Variants in MED23 observed in about 807,000 individuals in gnomAD.
MED23 encodes the protein mediator complex subunit 23.
In MED23, 105 loss-of-function variants were observed where a neutral mutation model predicts 163.9. That is an observed-to-expected ratio of 0.64 (90% CI 0.55 to 0.75). MED23 has a LOEUF of 0.75. Ranked by LOEUF, MED23 falls within the 30% of genes least tolerant of loss-of-function variation. MED23 has a pLI of 0.00. For synonymous variants in MED23, 561 were observed against 565.6 expected (o/e 0.99, Z 0.12); for missense variants, 1,054 against 1,649.0 (o/e 0.64, Z 6.25).
intron 7 of MED23, among the ~76,000 whole-genome samples, chr6:131,620,261 A>T (rs1476771035): frequency 6.6e-6 from 1 of 152,206 alleles, no homozygotes; most frequent in Non-Finnish European, 1.5e-5. Flanking sequence ...CACAAAAATA[A>T]GATTAATATA....
intron 30 of MED23, among the ~76,000 whole-genome samples, chr6:131,578,496 A>T (rs768643718): frequency 5.3e-5 from 8 of 152,142 alleles, no homozygotes; most frequent in Non-Finnish European, 8.8e-5. Flanking sequence ...TTTCCTTACT[A>T]AAAAGAATAA....
intron 30 of MED23, among the ~76,000 whole-genome samples, chr6:131,577,104 T>TAAAAC (rs1207047734): frequency 1.3e-5 from 2 of 152,130 alleles, no homozygotes; most frequent in African/African-American, 4.8e-5. Flanking sequence ...TAAAATAAAA[T>TAAAAC]AAAACAGTAA....
downstream of MED23, among the ~76,000 whole-genome samples, chr6:131,581,740 T>G (rs1206031839): frequency 1.3e-5 from 2 of 152,216 alleles, no homozygotes; most frequent in South Asian, 4.1e-4. Flanking sequence ...CATTCCTTCC[T>G]CTTTCCACTA....
intron 13 of MED23, among the ~76,000 whole-genome samples, chr6:131,605,901 A>G (rs1585514922): frequency 6.6e-6 from 1 of 152,332 alleles, no homozygotes; most frequent in African/African-American, 2.4e-5. Flanking sequence ...TGAAGTATCA[A>G]GTCTGACAAT....
intron 13 of MED23, 57 bp downstream of exon 13, chr6:131,606,422 C>A: frequency 6.4e-7 from 1 of 1,572,434 alleles, no homozygotes. Context: ...CAATATTAGT[C>A]TACAATCCGC....
chr6:131,582,814 G>GACACAC, downstream of MED23: 1 of 911,882 alleles, frequency 1.1e-6, no homozygotes, highest in Non-Finnish European at 1.8e-6. Context: ...TAAACATCAA[G>GACACAC]ACACACACAC....
rs555961130 is a variant in MED23, at chr6:131,618,979, G to A, written c.668-460C>T. ...GTCAACATGATTAAACTTTATGCAC[G>A]ATATTCCTAGAGGCCTTAGATGTCA... On this transcript the variant is annotated intron_variant, in intron 8 of 28. Transcript: ENST00000368068. Among the ~76,000 whole-genome samples the A allele has an allele frequency of 9.8e-5, 15 of 152,294 alleles. No individual in the cohort carries two copies. The East Asian group carries it at 1.7e-3, about 18-fold the overall frequency.
At chr6:131,582,046 C>T (rs1773953884), downstream of MED23, among the ~76,000 whole-genome samples, 1 of 152,064 alleles carries the variant, frequency 6.6e-6, no homozygotes, top group African/African-American at 2.4e-5. Context: ...TTTATTGATA[C>T]AATTATAATA....
chr6:131,591,456 T>C lies in MED23; in HGVS notation c.3543A>G (p.Thr1181=). Residue 1181 remains threonine (T), a synonymous_variant, in exon 26 of 29, where the codon ACA becomes ACG. Transcript: ENST00000368068. ...GGCGGAATGGATAGCCAACCCACTC[T>C]GTTTCAGACGTCAAGCTGGGGCTGC... ...VISSPSLTSE[T]EWVGYPFRLF... 4 of 1,614,022 alleles carry C rather than the reference T, an allele frequency of 2.5e-6. No individual in the cohort carries two copies. The highest frequency in any genetic ancestry group is 2.2e-5 in the South Asian group (2 of 91,074).
rs769471341 is a variant in MED23 at position 131,593,051 on chromosome 6, G to C, written c.3353C>G (p.Ser1118Ter). 4.2e-5 allele frequency: 67 copies of C among 1,614,050 alleles called. No individual in the cohort carries two copies. The highest frequency in any genetic ancestry group is 5.6e-5 in the Non-Finnish European group (66 of 1,180,026). Residue 1118 changes from serine to a stop codon, truncating the protein, a stop_gained, in exon 24 of 29, where the codon TCA becomes TGA. Coordinates refer to ENST00000368068, the MANE Select transcript of MED23 (RefSeq NM_004830.4). LOFTEE classifies it high-confidence loss of function. ...AAGGGCATTCCCAACTTCTTTGCCT[G>C]AAACTGCCAAGGCCATGAGCTCCAC... is the stretch of plus-strand genomic sequence containing the variant. ...TCVELMALAV[S>*]GKEVGNALLN...
At chr6:131,592,486 G>A (rs1774720733) in intron 24 of MED23, 26 bp from the exon 25 acceptor site, 2 of 1,601,384 alleles carry the variant, frequency 1.2e-6, no homozygotes, top group African/African-American at 1.3e-5. Flanking sequence ...AAGAATGTAA[G>A]TATGAATTTA....
intron 3 of MED23, 28 bp downstream of exon 3, chr6:131,627,368 C>T: frequency 6.5e-7 from 1 of 1,545,364 alleles, no homozygotes; most frequent in South Asian, 1.1e-5. Flanking sequence ...AAATCATCAG[C>T]TGAATGTATT....
At chr6:131,606,336 G>T in intron 13 of MED23, 143 bp downstream of exon 13, 2 of 758,568 alleles carry the variant, frequency 2.6e-6, no homozygotes, top group Non-Finnish European at 2.2e-6. Flanking sequence ...CTCCTGCTAT[G>T]ACATATACAT....
At chr6:131,591,699 G>A in intron 25 of MED23, 172 bp from the exon 26 acceptor site, 1 of 640,970 alleles carries the variant, frequency 1.6e-6, no homozygotes, top group South Asian at 1.9e-5. Flanking sequence ...CAACCTGGGA[G>A]AAGTAACTGT....
intron 10 of MED23, among the ~76,000 whole-genome samples, chr6:131,615,066 C>CAAAAAAAAAAAAAAA (rs5880072): frequency 2.5e-4 from 17 of 68,216 alleles, no homozygotes; most frequent in African/African-American, 5.4e-4. Context: ...TCTTTGTTAC[C>CAAAAAAAAAAAAAAA]AAAAAAAAAA....
At position 131,615,503 on chromosome 6, in the gene MED23, C is replaced by CAAAAAA. The variant is rs917020235; in HGVS notation, c.876+398_876+403dup. Among the ~76,000 whole-genome samples the CAAAAAA allele has an allele frequency of 3.0e-3, 43 of 14,160 alleles. 13 individuals are homozygous for CAAAAAA. The highest frequency in any genetic ancestry group is 8.8e-3 in the African/African-American group (29 of 3,308). The allele number at this position is 14,160 out of a possible 152,430, so 9.3% of individuals were successfully genotyped here. A position where few individuals can be genotyped will look rare whatever the true frequency, so the allele number is the denominator to read the frequency against. On this transcript the variant is annotated intron_variant, in intron 10 of 28. Transcript: ENST00000368068. ...CCACCAAAAACAAGCAAACACACAC[C>CAAAAAA]AAAAAAAAAAAAAAAAAAAAAAAAA...
intron 1 of MED23, 67 bp downstream of exon 1, chr6:131,627,944 T>C: frequency 6.2e-7 from 1 of 1,605,228 alleles, no homozygotes; most frequent in Non-Finnish European, 8.5e-7. Flanking sequence ...CCAGTTTCCT[T>C]GGTCGGCTGC....
At chr6:131,604,795 A>G (rs1343801537) in intron 14 of MED23, among the ~76,000 whole-genome samples, 1 of 152,240 alleles carries the variant, frequency 6.6e-6, no homozygotes, top group Non-Finnish European at 1.5e-5. Flanking sequence ...GCATAGCTCT[A>G]CCAGGACTGA....
intron 5 of MED23, among the ~76,000 whole-genome samples, chr6:131,622,732 T>G (rs1777199370): frequency 6.6e-6 from 1 of 152,200 alleles, no homozygotes; most frequent in Admixed American, 6.5e-5. Context: ...AATAATTATC[T>G]GTTAGGTCAT....
Sources: allele counts gnomAD v4.1 joint callset (sites outside exome capture counted in the v4.1 genomes callset), GRCh38; gene constraint gnomAD v4.1.1; transcripts MANE v1.5; gene names NCBI Gene and HGNC (gene_info 2026-07-23, HGNC 2026-07-21).